The following FAM110B variants were observed in gnomAD, a reference collection of about 807,000 sequenced individuals.
The protein encoded by FAM110B is family with sequence similarity 110 member B.
In FAM110B, 6 loss-of-function variants were observed where a neutral mutation model predicts 20.4. That is an observed-to-expected ratio of 0.29 (90% confidence interval 0.16 to 0.58). The LOEUF (loss-of-function observed/expected upper bound fraction) is 0.58, where lower values mean the gene tolerates loss of function less well. FAM110B is among the 20% of genes least tolerant of loss of function. FAM110B has a pLI of 0.90. For synonymous variants in FAM110B, 226 were observed against 214.1 expected, an observed-to-expected ratio of 1.06 and a Z score of -0.49; for missense variants, 434 against 498.2, an observed-to-expected ratio of 0.87 and a Z score of 1.23.
chr8:58,053,032 G>A lies in FAM110B; in HGVS notation c.-414+21329G>A, dbSNP rs544482155. 5.3e-5 allele frequency among the ~76,000 whole-genome samples: 8 copies of A among 151,912 alleles called. No individual in the cohort carries two copies. In the South Asian group the frequency reaches 1.3e-3, roughly 24 times the overall value. On this transcript the variant is annotated intron_variant, in intron 2 of 3. Coordinates refer to ENST00000519262, the MANE Select transcript of FAM110B (RefSeq NM_001377989.1). ...GATCTCCTGACCTCGTGATCCGCCC[G>A]CCTCGGCCTCCCAAAGTGCTGGGAT...
At position 58,147,316 on chromosome 8, in the gene FAM110B, A is replaced by G. The variant is rs1478287527; in HGVS notation, c.1086A>G (p.Arg362=). ...IKWLYSIKQA[R]ESQKVSHV ...GGTTATATAGCATCAAACAAGCTAG[A>G]GAGTCACAGAAGGTCTCCCATGTGT... The change falls in exon 4 of 4, where the codon AGA becomes AGG. Residue 362 remains arginine, a synonymous_variant. Transcript: ENST00000519262. 1 of 1,614,024 alleles carries G rather than the reference A, an allele frequency of 6.2e-7. No individual in the cohort carries two copies. The highest frequency in any genetic ancestry group is 8.5e-7 in the Non-Finnish European group (1 of 1,179,914).
rs1803859382 is a variant in FAM110B, at chr8:58,146,216, G to A, written c.-15G>A. On this transcript the variant is annotated 5_prime_UTR_variant, in exon 4 of 4. Coordinates refer to ENST00000519262, the MANE Select transcript of FAM110B (RefSeq NM_001377989.1). ...AAGAGCATCCAACACGGCTGCCGGG[G>A]AAAGACCGCCCACCATGCCCACGGA... 2.5e-6 allele frequency: 4 copies of A among 1,577,974 alleles called. No homozygotes were observed. The highest frequency in any genetic ancestry group is 2.3e-5 in the South Asian group (2 of 86,726).
At chr8:58,023,870 G>A (rs553264815) in intron 1 of FAM110B, among the ~76,000 whole-genome samples, 1 of 152,120 alleles carries the variant, frequency 6.6e-6, no homozygotes, top group Non-Finnish European at 1.5e-5. Context: ...ACCATTTTTA[G>A]GAGTGTTAAA....
intron 1 of FAM110B, among the ~76,000 whole-genome samples, chr8:58,018,653 T>C (rs1338691817): frequency 6.6e-6 from 1 of 152,214 alleles, no homozygotes; most frequent in East Asian, 1.9e-4. Flanking sequence ...TTTAAGTCTA[T>C]TACCCTATTT....
intron 3 of FAM110B, among the ~76,000 whole-genome samples, chr8:58,134,257 A>C (rs187739861): frequency 7.6e-4 from 116 of 152,298 alleles, no homozygotes; most frequent in African/African-American, 2.7e-3. Flanking sequence ...AATATTCACT[A>C]TTTTTTTAAG....
At chr8:58,052,284 T>A (rs1398275795) in intron 2 of FAM110B, among the ~76,000 whole-genome samples, 2 of 152,186 alleles carry the variant, frequency 1.3e-5, no homozygotes, top group Non-Finnish European at 2.9e-5. Context: ...AGGGATAACA[T>A]TTAATTTCAT....
intron 3 of FAM110B, among the ~76,000 whole-genome samples, chr8:58,085,549 T>C (rs1806309984): frequency 6.6e-6 from 1 of 152,178 alleles, no homozygotes; most frequent in Non-Finnish European, 1.5e-5. Context: ...CTTCTAGATT[T>C]AATTTAAGAT....
At chr8:58,090,597 T>A (rs1806451291) in intron 3 of FAM110B, among the ~76,000 whole-genome samples, 1 of 152,224 alleles carries the variant, frequency 6.6e-6, no homozygotes, top group Non-Finnish European at 1.5e-5. Context: ...GTTAAAGTTT[T>A]AGGGCAGTCA....
chr8:57,999,656 G>A (rs1359010220), intron 1 of FAM110B, among the ~76,000 whole-genome samples: 1 of 152,118 alleles, frequency 6.6e-6, no homozygotes, highest in East Asian at 1.9e-4. Flanking sequence ...TGTGTGCCAG[G>A]TACTTTGAAT....
intron 2 of FAM110B, among the ~76,000 whole-genome samples, chr8:58,040,503 A>G (rs1418122798): frequency 1.3e-5 from 2 of 152,168 alleles, no homozygotes; most frequent in African/African-American, 4.8e-5. Flanking sequence ...CGCTCTGCCT[A>G]GATTAGAGCT....
chr8:58,092,173 T>C (rs1404568624), intron 3 of FAM110B, among the ~76,000 whole-genome samples: 1 of 152,240 alleles, frequency 6.6e-6, no homozygotes, highest in Non-Finnish European at 1.5e-5. Context: ...TATTTATTCA[T>C]ATTTTGCTGT....
At chr8:58,075,711 G>A (rs1392470046) in intron 3 of FAM110B, 88 bp downstream of exon 3, 1 of 151,990 alleles carries the variant, frequency 6.6e-6, no homozygotes, top group Non-Finnish European at 1.5e-5. Flanking sequence ...CTAAGACAAA[G>A]AAGCTGAGGT....
Position 58,075,553 on chromosome 8 carries a change from A to AG in FAM110B, c.-394dup. 6.6e-6 allele frequency: 1 copy of AG among 152,294 alleles called. No homozygotes were observed. The highest frequency in any genetic ancestry group is 2.1e-4 in the South Asian group (1 of 4,826). 9.4% of individuals were successfully genotyped at this position (152,294 alleles called of 1,614,324 possible). On this transcript the variant is annotated 5_prime_UTR_variant, in exon 3 of 4. Transcript: ENST00000519262. ...TTTTTAGCAATTTCCTGCTGCAGAG[A>AG]GCATTTTAAGAAAGGACAGCATTCC...
chr8:57,995,129 G>A (rs562225665), intron 1 of FAM110B, among the ~76,000 whole-genome samples: 1 of 152,146 alleles, frequency 6.6e-6, no homozygotes, highest in Non-Finnish European at 1.5e-5. Context: ...ACGGGGCCGG[G>A]GCTGGAGCCG....
Position 58,090,430 on chromosome 8 carries a change from G to C in FAM110B, c.-325+14807G>C, listed in dbSNP as rs370247971. 4.4e-4 allele frequency among the ~76,000 whole-genome samples: 67 copies of C among 152,250 alleles called. No homozygotes were observed. In the Middle Eastern group the frequency reaches 0.024, roughly 54 times the overall value. On this transcript the variant is annotated intron_variant, in intron 3 of 3. Coordinates refer to ENST00000519262, the MANE Select transcript of FAM110B (RefSeq NM_001377989.1). Reference sequence around the variant, plus strand: ...CCTGCCTCAGCCTCCCAAAGTGCTGGGATTACAGGCATGAGCCACCGCACC... The same window carrying C: ...CCTGCCTCAGCCTCCCAAAGTGCTGCGATTACAGGCATGAGCCACCGCACC...
chr8:58,110,329 T>C (rs1040458905), intron 3 of FAM110B, among the ~76,000 whole-genome samples: 2 of 152,198 alleles, frequency 1.3e-5, no homozygotes, highest in African/African-American at 4.8e-5. Context: ...TCTGTATTTA[T>C]ATGGAAAAGA....
At chr8:58,109,440 C>A (rs1807004722) in intron 3 of FAM110B, among the ~76,000 whole-genome samples, 1 of 152,132 alleles carries the variant, frequency 6.6e-6, no homozygotes, top group Admixed American at 6.6e-5. Context: ...ACTTTTTGGT[C>A]TTCAAGAAAA....
In FAM110B at chr8:58,146,440, C is replaced by T; in HGVS notation, c.210C>T (p.Ala70=). The T allele has an allele frequency of 6.2e-7, 1 of 1,613,688 alleles. No homozygotes were observed. Among genetic ancestry groups the T allele is most frequent in the Non-Finnish European group, 8.5e-7 (1 of 1,179,742 alleles). Residue 70 remains alanine, a synonymous_variant, in exon 4 of 4, where the codon GCC becomes GCT. Transcript: ENST00000519262. ...TCAAGAGCCAGGAGGTGATCAACGC[C>T]AAGCAGGAGCCCGTGAAGCCCGCCG... ...KYVKSQEVIN[A]KQEPVKPAVL...
At chr8:58,092,352 C>T (rs200680461) in intron 3 of FAM110B, among the ~76,000 whole-genome samples, 3 of 152,054 alleles carry the variant, frequency 2.0e-5, no homozygotes, top group East Asian at 1.9e-4. Context: ...CCCATCAACC[C>T]GTCATCTACA....
Sources: allele counts gnomAD v4.1 joint callset (sites outside exome capture counted in the v4.1 genomes callset), GRCh38; gene constraint gnomAD v4.1.1; transcripts MANE v1.5; gene names NCBI Gene and HGNC (gene_info 2026-07-23, HGNC 2026-07-21).